The following QKI variants were observed in gnomAD, a reference collection of about 807,000 sequenced individuals.
QKI encodes KH domain-containing RNA-binding protein QKI.
QKI carries 10 observed loss-of-function variants against 39.0 expected under a neutral mutation model. The observed-to-expected ratio is 0.26, with a 90% CI of 0.16 to 0.43. The LOEUF (loss-of-function observed/expected upper bound fraction) is 0.43, where lower values mean the gene tolerates loss of function less well. QKI is among the 20% of genes least tolerant of loss of function. The probability of loss-of-function intolerance (pLI) is 1.00; values close to 1 mark genes in which losing one functional copy is unlikely to be tolerated. For missense variants in QKI, 218 were observed against 428.0 expected (o/e 0.51, Z 4.33); for synonymous variants, 204 against 155.4 (o/e 1.31, Z -2.33).
chr6:163,570,621 G>A lies in QKI; in HGVS notation c.1010-73G>A, dbSNP rs553855621. The A allele has an allele frequency of 2.2e-5, 35 of 1,590,802 alleles. No homozygotes were observed. In the Admixed American group the frequency reaches 4.3e-4, roughly 20 times the overall value. ...TCATGTTGTCATTAAGCCGTCACTA[G>A]CTGAAACTAATCTCTTCTCTATCTT... is the stretch of plus-strand genomic sequence containing the variant. On this transcript the variant is annotated intron_variant, in intron 7 of 7. Transcript: ENST00000361752.
In QKI at chr6:163,572,698, C is replaced by T. The variant is rs899398382; in HGVS notation, c.*1988C>T. 8.6e-5 allele frequency: 10 copies of T among 116,594 alleles called. No individual in the cohort carries two copies. Among genetic ancestry groups the T allele is most frequent in the African/African-American group, 3.2e-4 (10 of 30,830 alleles). 7.2% of individuals were successfully genotyped at this position (116,594 alleles called of 1,614,324 possible). On this transcript the variant is annotated 3_prime_UTR_variant, in exon 8 of 8. Coordinates refer to ENST00000361752, the MANE Select transcript of QKI (RefSeq NM_006775.3). ...CCCCCCCCCGCCCAGCTTATCAACTCGTCCCCTCTTCCACACCTTCCCAGC... is the reference window on the plus strand; with the variant it reads ...CCCCCCCCCGCCCAGCTTATCAACTTGTCCCCTCTTCCACACCTTCCCAGC...
At chr6:163,421,750 C>A (rs1011064301) in intron 1 of QKI, among the ~76,000 whole-genome samples, 1 of 143,878 alleles carries the variant, frequency 7.0e-6, no homozygotes, top group African/African-American at 2.5e-5. Flanking sequence ...TTTCTTTTTT[C>A]TTTTTTTTTT....
chr6:163,431,788 T>C (rs1402270877), intron 1 of QKI, among the ~76,000 whole-genome samples: 5 of 133,250 alleles, frequency 3.8e-5, no homozygotes, highest in African/African-American at 1.1e-4. Context: ...TGGAAGGCCC[T>C]AAAGATTTTT....
At chr6:163,439,773 C>T (rs1298787511) in intron 1 of QKI, among the ~76,000 whole-genome samples, 1 of 151,666 alleles carries the variant, frequency 6.6e-6, no homozygotes, top group East Asian at 1.9e-4. Flanking sequence ...TCTCAGCCTC[C>T]CGAGTAGCAG....
intron 4 of QKI, among the ~76,000 whole-genome samples, chr6:163,542,673 A>G (rs768809757): frequency 2.6e-5 from 4 of 152,034 alleles, no homozygotes; most frequent in Non-Finnish European, 5.9e-5. Flanking sequence ...TTGAAATAAC[A>G]GGTCTTTTTC....
At chr6:163,439,498 C>G (rs1189817027) in intron 1 of QKI, among the ~76,000 whole-genome samples, 1 of 151,322 alleles carries the variant, frequency 6.6e-6, no homozygotes, top group African/African-American at 2.4e-5. Flanking sequence ...CAGGTGCCCG[C>G]CACCACACAT....
At chr6:163,485,394 A>G (rs1454020805) in intron 3 of QKI, among the ~76,000 whole-genome samples, 6 of 152,234 alleles carry the variant, frequency 3.9e-5, no homozygotes, top group Non-Finnish European at 5.9e-5. Flanking sequence ...AAATGAGAAC[A>G]TGTAAGCCAT....
In QKI at chr6:163,451,450, G is replaced by T. The variant is rs533079120; in HGVS notation, c.143-3829G>T. ...ACCATGTCATTGGTTTAGGGAAGAGGACACTTAGATATTTTAGAATTTTTC... is the reference window on the plus strand; with the variant it reads ...ACCATGTCATTGGTTTAGGGAAGAGTACACTTAGATATTTTAGAATTTTTC... On this transcript the variant is annotated intron_variant, in intron 1 of 7. Coordinates refer to ENST00000361752, the MANE Select transcript of QKI (RefSeq NM_006775.3). Among the ~76,000 whole-genome samples the T allele has an allele frequency of 3.9e-5, 6 of 152,282 alleles. No individual in the cohort carries two copies. In the South Asian group the frequency reaches 1.2e-3, roughly 32 times the overall value.
chr6:163,547,300 C>G (rs1021626831), intron 4 of QKI, among the ~76,000 whole-genome samples: 4 of 152,160 alleles, frequency 2.6e-5, no homozygotes, highest in African/African-American at 7.2e-5. Flanking sequence ...TATACAGAGA[C>G]TTAGATTTCA....
chr6:163,415,103 C>G lies in QKI; in HGVS notation c.-91C>G, dbSNP rs1787318713. On this transcript the variant is annotated 5_prime_UTR_variant, in exon 1 of 8. Coordinates refer to ENST00000361752, the MANE Select transcript of QKI (RefSeq NM_006775.3). ...GCGGAGCGGGACGCCGGGTCCCGAGCGGCCCGCGGCCGGGGCTCGCCCCCG... is the reference window on the plus strand; with the variant it reads ...GCGGAGCGGGACGCCGGGTCCCGAGGGGCCCGCGGCCGGGGCTCGCCCCCG... 2 of 1,033,644 alleles carry G rather than the reference C, an allele frequency of 1.9e-6. No individual in the cohort carries two copies. The highest frequency in any genetic ancestry group is 2.3e-6 in the Non-Finnish European group (2 of 858,816). The allele number at this position is 1,033,644 out of a possible 1,614,324, so 64.0% of individuals were successfully genotyped here. A position where few individuals can be genotyped will look rare whatever the true frequency, so the allele number is the denominator to read the frequency against.
chr6:163,527,433 T>C (rs1381540142), intron 3 of QKI, among the ~76,000 whole-genome samples: 1 of 152,170 alleles, frequency 6.6e-6, no homozygotes, highest in Non-Finnish European at 1.5e-5. Flanking sequence ...CACTTTTGAA[T>C]TCTGTTTGGA....
intron 3 of QKI, among the ~76,000 whole-genome samples, chr6:163,484,388 A>G (rs1793314128): frequency 6.6e-6 from 1 of 152,000 alleles, no homozygotes. Flanking sequence ...TTTAGTAGAG[A>G]TGCGGTTTTG....
intron 4 of QKI, among the ~76,000 whole-genome samples, chr6:163,561,585 G>A (rs112072339): frequency 6.2e-4 from 94 of 152,288 alleles, no homozygotes; most frequent in Middle Eastern, 3.4e-3. Context: ...TCCAGCCTGG[G>A]TAACAGAGCA....
At position 163,570,960 on chromosome 6, in the gene QKI, G is replaced by A; in HGVS notation, c.*250G>A. 2.4e-6 allele frequency: 1 copy of A among 419,018 alleles called. No individual in the cohort carries two copies. Among genetic ancestry groups the A allele is most frequent in the Non-Finnish European group, 4.2e-6 (1 of 238,172 alleles). The allele number at this position is 419,018 out of a possible 1,614,324, so 26.0% of individuals were successfully genotyped here. A position where few individuals can be genotyped will look rare whatever the true frequency, so the allele number is the denominator to read the frequency against. On this transcript the variant is annotated 3_prime_UTR_variant, in exon 8 of 8. Transcript: ENST00000361752. ...AGAAACTGCACTGAATAGTAGTAAA[G>A]CAATAAGGCCCAATTCATCCCACAG... is the stretch of plus-strand genomic sequence containing the variant.
chr6:163,536,317 T>C (rs1781206293), intron 4 of QKI, among the ~76,000 whole-genome samples: 1 of 152,238 alleles, frequency 6.6e-6, no homozygotes, highest in South Asian at 2.1e-4. Flanking sequence ...GCAATTAGTG[T>C]CATGATCAGA....
At chr6:163,502,669 A>G (rs576347289) in intron 3 of QKI, among the ~76,000 whole-genome samples, 1 of 152,296 alleles carries the variant, frequency 6.6e-6, no homozygotes, top group South Asian at 2.1e-4. Flanking sequence ...CTTATTTTAT[A>G]CATGAACTCA....
intron 1 of QKI, among the ~76,000 whole-genome samples, chr6:163,453,652 G>T (rs1467870731): frequency 6.6e-6 from 1 of 152,168 alleles, no homozygotes; most frequent in Non-Finnish European, 1.5e-5. Context: ...ATTTAATTAT[G>T]AAGCTAGAAG....
chr6:163,428,506 G>A (rs1024361608), intron 1 of QKI, among the ~76,000 whole-genome samples: 1 of 152,084 alleles, frequency 6.6e-6, no homozygotes, highest in Non-Finnish European at 1.5e-5. Flanking sequence ...GGGGATCATA[G>A]TTTTATCATA....
chr6:163,427,848 A>G (rs1200829804), intron 1 of QKI, among the ~76,000 whole-genome samples: 1 of 152,218 alleles, frequency 6.6e-6, no homozygotes, highest in Non-Finnish European at 1.5e-5. Context: ...TATCAGTAAA[A>G]ATATATATAG....
Sources: gnomAD v4.1 joint callset for allele counts (sites outside exome capture counted in the v4.1 genomes callset) on GRCh38, gnomAD v4.1.1 for gene constraint, MANE v1.5 for transcripts, NCBI Gene and HGNC (gene_info 2026-07-23, HGNC 2026-07-21) for gene names.